SLC12A3: variants seen among roughly 807,000 people sequenced by gnomAD.
SLC12A3 encodes the protein Na-Cl cotransporter.
A neutral mutation model predicts 121.0 loss-of-function variants in SLC12A3; 104 were observed. That is an observed-to-expected ratio of 0.86 (90% CI 0.73 to 1.01). SLC12A3 has a LOEUF of 1.01. SLC12A3 is among the 50% of genes least tolerant of loss of function. The pLI, the probability that SLC12A3 is intolerant of heterozygous loss-of-function variation, is 0.00. For synonymous variants in SLC12A3, 536 were observed against 533.4 expected, an observed-to-expected ratio of 1.00 and a Z score of -0.07; for missense variants, 1,328 against 1,356.3, an observed-to-expected ratio of 0.98 and a Z score of 0.33.
Position 56,878,061 on chromosome 16 carries a change from T to TCCCCC in SLC12A3, c.1096-13_1096-12insCCCCC. 5.2e-6 allele frequency: 2 copies of TCCCCC among 384,468 alleles called. No homozygotes were observed. Among genetic ancestry groups the TCCCCC allele is most frequent in the Non-Finnish European group, 9.1e-6 (2 of 219,266 alleles). 23.8% of individuals were successfully genotyped at this position (384,468 alleles called of 1,614,324 possible). On this transcript the variant is annotated splice_polypyrimidine_tract_variant and intron_variant, in intron 8 of 25. Transcript: ENST00000563236. ...CTCCCTCCCTCCCTCCCTCCCTCTC[T>TCCCCC]CCCTCCCTCCTTCAGGACCCTGCTA...
chr16:56,877,756 G>T (rs1053062300), intron 8 of SLC12A3, among the ~76,000 whole-genome samples: 3 of 152,192 alleles, frequency 2.0e-5, no homozygotes, highest in Non-Finnish European at 4.4e-5. Flanking sequence ...GCAAACCCTG[G>T]CCAAGTGGCC....
chr16:56,910,605 G>A (rs746867951), intron 25 of SLC12A3, among the ~76,000 whole-genome samples: 10 of 152,218 alleles, frequency 6.6e-5, no homozygotes, highest in Non-Finnish European at 1.3e-4. Context: ...CTCCCAAAGT[G>A]CTGGGATTAC....
intron 24 of SLC12A3, among the ~76,000 whole-genome samples, chr16:56,902,991 CA>C (rs1168136280): frequency 4.6e-5 from 7 of 151,530 alleles, no homozygotes; most frequent in African/African-American, 7.3e-5. Context: ...ACTAAAAATA[CA>C]AAAAAAATTA....
At chr16:56,873,668 G>C (rs1287591999) in intron 8 of SLC12A3, among the ~76,000 whole-genome samples, 3 of 149,738 alleles carry the variant, frequency 2.0e-5, no homozygotes, top group Non-Finnish European at 3.0e-5. Flanking sequence ...GATTATAGGG[G>C]TGAGCCACCA....
chr16:56,897,739 G>C (rs2055484314), intron 22 of SLC12A3, among the ~76,000 whole-genome samples: 1 of 152,156 alleles, frequency 6.6e-6, no homozygotes, highest in South Asian at 2.1e-4. Flanking sequence ...GCATGTCCTT[G>C]GTGGGAAGGT....
rs138184423 is a variant in SLC12A3, at chr16:56,870,151, C to T, written c.657C>T (p.Ile219=). 31 of 1,613,958 alleles carry T rather than the reference C, an allele frequency of 1.9e-5. No homozygotes were observed. Among genetic ancestry groups the T allele is most frequent in the Middle Eastern group, 1.6e-4 (1 of 6,084 alleles). Residue 219 remains isoleucine, a synonymous_variant, in exon 5 of 26, where the codon ATC becomes ATT. Transcript: ENST00000563236. ...TGGGCCCAGAGCTTGGGGGCTCCAT[C>T]GGCCTCATTTTCGCTTTCGCCAATG... ...RSLGPELGGS[I]GLIFAFANAV...
intron 25 of SLC12A3, among the ~76,000 whole-genome samples, chr16:56,911,694 CAT>C (rs371119216): frequency 2.6e-3 from 399 of 152,194 alleles, no homozygotes; most frequent in African/African-American, 8.9e-3. Flanking sequence ...CCAAGTGTGA[CAT>C]AGCTGTTTAG....
intron 16 of SLC12A3, 61 bp from the exon 17 acceptor site, chr16:56,886,892 T>A (rs2055319911): frequency 6.2e-7 from 1 of 1,609,412 alleles, no homozygotes; most frequent in Non-Finnish European, 8.5e-7. Context: ...AGGAGAGGGG[T>A]TGAATCTCAG....
chr16:56,875,139 G>A (rs1350252172), intron 8 of SLC12A3, among the ~76,000 whole-genome samples: 3 of 115,112 alleles, frequency 2.6e-5, no homozygotes, highest in Non-Finnish European at 6.0e-5. Flanking sequence ...TGAGGCCCGC[G>A]CGCCTGCACT....
chr16:56,880,034 G>A (rs905176259), intron 11 of SLC12A3, 96 bp from the exon 12 acceptor site: 44 of 1,518,440 alleles, frequency 2.9e-5, no homozygotes, highest in South Asian at 1.4e-4. Flanking sequence ...GGGAGGTCAC[G>A]GAGGGCACCG....
At chr16:56,872,824 G>A (rs762374761) in intron 8 of SLC12A3, 38 bp downstream of exon 8, 1 of 1,612,436 alleles carries the variant, frequency 6.2e-7, no homozygotes, top group South Asian at 1.1e-5. Flanking sequence ...TCCTGGCACT[G>A]CACAGGGGCT....
intron 8 of SLC12A3, among the ~76,000 whole-genome samples, chr16:56,874,045 T>C (rs2055136754): frequency 6.6e-6 from 1 of 152,150 alleles, no homozygotes; most frequent in Non-Finnish European, 1.5e-5. Flanking sequence ...TCAACTATCA[T>C]CTCTCCCAGC....
chr16:56,896,416 C>T (rs1461358038), intron 22 of SLC12A3, among the ~76,000 whole-genome samples: 1 of 152,156 alleles, frequency 6.6e-6, no homozygotes, highest in East Asian at 1.9e-4. Context: ...TATTGGACAC[C>T]TCTCCCTGGC....
At chr16:56,877,211 G>A (rs1369306084) in intron 8 of SLC12A3, among the ~76,000 whole-genome samples, 5 of 152,136 alleles carry the variant, frequency 3.3e-5, no homozygotes, top group African/African-American at 9.7e-5. Context: ...GGCTATCATG[G>A]TGAAACCCCG....
At chr16:56,880,070 C>G in intron 11 of SLC12A3, 60 bp from the exon 12 acceptor site, 1 of 1,590,778 alleles carries the variant, frequency 6.3e-7, no homozygotes, top group Non-Finnish European at 8.5e-7. Flanking sequence ...TCAGGTGGCC[C>G]CAGGGGAGGG....
chr16:56,912,256 C>T (rs2055696094), intron 25 of SLC12A3, among the ~76,000 whole-genome samples: 1 of 152,250 alleles, frequency 6.6e-6, no homozygotes, highest in Non-Finnish European at 1.5e-5. Context: ...CCTCCTGGAG[C>T]CCAGAGCTGG....
intron 25 of SLC12A3, among the ~76,000 whole-genome samples, chr16:56,909,607 A>C (rs2055657015): frequency 6.6e-6 from 1 of 152,128 alleles, no homozygotes; most frequent in South Asian, 2.1e-4. Context: ...GGCCAAGTCC[A>C]CCGGGAGGAC....
chr16:56,913,313 G>A lies in SLC12A3; in HGVS notation c.2974G>A (p.Ala992Thr). The A allele has an allele frequency of 6.2e-7, 1 of 1,614,160 alleles. No individual in the cohort carries two copies. The highest frequency in any genetic ancestry group is 1.1e-5 in the South Asian group (1 of 91,086). Reference protein sequence around the residue: ...KGKCPSSLYMAWLETLSQDLR... With the variant: ...KGKCPSSLYMTWLETLSQDLR... ...GAAGTGCCCCAGCTCGCTGTACATG[G>A]CCTGGCTGGAGACCCTGTCCCAGGA... Residue 992 changes from alanine (A) to threonine (T), a missense_variant, in exon 26 of 26, where the codon GCC (alanine) becomes ACC (threonine). By Grantham distance (58) the Ala-to-Thr change is moderately conservative (BLOSUM62 0). Coordinates refer to ENST00000563236, the MANE Select transcript of SLC12A3 (RefSeq NM_001126108.2).
At position 56,870,699 on chromosome 16, in the gene SLC12A3, T is replaced by C. The variant is rs568513106; in HGVS notation, c.815T>C (p.Leu272Pro). The change falls in exon 6 of 26, where the codon CTG becomes CCG. Residue 272 changes from leucine (L) to proline (P), a missense_variant. Physicochemically the swap from Leu to Pro is moderately conservative, Grantham distance 98. Coordinates refer to ENST00000563236, the MANE Select transcript of SLC12A3 (RefSeq NM_001126108.2). ...GCCGTGGTCTCGGTCACTGTGCTGC[T>C]GGCCATCTCCCTGGCTGGCATGGAG... is the stretch of plus-strand genomic sequence containing the variant. ...IIAVVSVTVL[L>P]AISLAGMEWE... is the part of the protein sequence containing the mutation. 2.0e-5 allele frequency: 32 copies of C among 1,613,554 alleles called. No individual in the cohort carries two copies. Among genetic ancestry groups the C allele is most frequent in the Non-Finnish European group, 2.6e-5 (31 of 1,179,548 alleles).
Sources: gnomAD v4.1 joint callset for allele counts (sites outside exome capture counted in the v4.1 genomes callset) on GRCh38, gnomAD v4.1.1 for gene constraint, MANE v1.5 for transcripts, NCBI Gene and HGNC (gene_info 2026-07-23, HGNC 2026-07-21) for gene names.